The following CRB1 variants were observed in gnomAD, a reference collection of about 807,000 sequenced individuals.
CRB1 encodes protein crumbs homolog 1.
In CRB1, 83 loss-of-function variants were observed where a neutral mutation model predicts 120.0. The observed-to-expected ratio is 0.69, with a 90% CI of 0.58 to 0.83. The LOEUF (loss-of-function observed/expected upper bound fraction) is 0.83. CRB1 is among the 40% of genes least tolerant of loss of function. The pLI, the probability that CRB1 is intolerant of heterozygous loss-of-function variation, is 0.00. For synonymous variants in CRB1, 625 were observed against 612.5 expected (o/e 1.02, Z -0.30); for missense variants, 1,699 against 1,687.6 (o/e 1.01, Z -0.12).
chr1:197,308,024 A>G (rs2125266022), intron 1 of CRB1, among the ~76,000 whole-genome samples: 1 of 152,314 alleles, frequency 6.6e-6, no homozygotes, highest in Non-Finnish European at 1.5e-5. Flanking sequence ...AATAGTAAAT[A>G]CATGGAATCA....
the CRB1 span, among the ~76,000 whole-genome samples, chr1:197,221,097 G>A: frequency 6.6e-6 from 1 of 152,140 alleles, no homozygotes; most frequent in African/African-American, 2.4e-5. Flanking sequence ...TTTGCCTGGG[G>A]TGCATAAGGT....
chr1:197,252,576 ATATATATGTGTGTGTG>A, the CRB1 span, among the ~76,000 whole-genome samples: 36 of 35,048 alleles, frequency 1.0e-3, no homozygotes, highest in African/African-American at 1.3e-3. Context: ...ATATATATAT[ATATATATGTGTGTGTG>A]TGTGTGTGTG....
the CRB1 span, among the ~76,000 whole-genome samples, chr1:197,213,882 A>G: frequency 6.6e-6 from 1 of 152,184 alleles, no homozygotes; most frequent in South Asian, 2.1e-4. Flanking sequence ...ATACAGCAAA[A>G]GCAGTTCTAA....
intron 11 of CRB1, among the ~76,000 whole-genome samples, chr1:197,472,482 A>G (rs1453259835): frequency 6.6e-6 from 1 of 152,168 alleles, no homozygotes; most frequent in Non-Finnish European, 1.5e-5. Context: ...ACCTCTGTTC[A>G]CTTGGGAATG....
At chr1:197,428,667 T>C (rs890305422) in intron 7 of CRB1, among the ~76,000 whole-genome samples, 7 of 152,236 alleles carry the variant, frequency 4.6e-5, no homozygotes, top group Non-Finnish European at 8.8e-5. Flanking sequence ...AAATGAATTA[T>C]TGTAACATAG....
Position 197,421,284 on chromosome 1 carries a change from C to A in CRB1, c.1456C>A (p.Leu486Ile). ...TGSLCEIATT[L>I]SFEGDGFLWV... ...GTCCCTGTGTGAAATCGCAACCACACTTTCATTTGAGGGCGATGGCTTCCT... is the reference window on the plus strand; with the variant it reads ...GTCCCTGTGTGAAATCGCAACCACAATTTCATTTGAGGGCGATGGCTTCCT... The change falls in exon 6 of 12, where the codon CTT (leucine) becomes ATT (isoleucine). Residue 486 changes from leucine to isoleucine, a missense_variant. Coordinates refer to ENST00000367400, the MANE Select transcript of CRB1 (RefSeq NM_201253.3). 3.1e-6 allele frequency: 5 copies of A among 1,614,242 alleles called. No homozygotes were observed. The highest frequency in any genetic ancestry group is 4.2e-6 in the Non-Finnish European group (5 of 1,180,050).
chr1:197,321,316 T>C (rs936908232), intron 1 of CRB1, among the ~76,000 whole-genome samples: 13 of 152,250 alleles, frequency 8.5e-5, no homozygotes, highest in African/African-American at 2.7e-4. Flanking sequence ...GTTGTTGTGC[T>C]CATTGCCATG....
the CRB1 span, among the ~76,000 whole-genome samples, chr1:197,247,210 T>A: frequency 6.6e-6 from 1 of 152,096 alleles, no homozygotes; most frequent in African/African-American, 2.4e-5. Context: ...TAGCAAAGTC[T>A]GCTACAAATA....
At chr1:197,338,601 T>C (rs1363226934) in intron 2 of CRB1, among the ~76,000 whole-genome samples, 1 of 152,000 alleles carries the variant, frequency 6.6e-6, no homozygotes, top group Non-Finnish European at 1.5e-5. Context: ...GATGGTAAAA[T>C]GGTACCAAAG....
chr1:197,364,010 G>C (rs1660928093), intron 5 of CRB1: 1 of 1,385,788 alleles, frequency 7.2e-7, no homozygotes, highest in Non-Finnish European at 1.0e-6. Flanking sequence ...CGGATCTACA[G>C]TATGGAAATG....
intron 2 of CRB1, 106 bp from the exon 3 acceptor site, chr1:197,344,175 A>G: frequency 9.0e-7 from 1 of 1,116,666 alleles, no homozygotes; most frequent in Non-Finnish European, 1.4e-6. Context: ...TTTGGGTAAC[A>G]GAACATTTGA....
rs113011611 is a variant in CRB1, at chr1:197,402,220, C to T, written c.1172-18780C>T. Among the ~76,000 whole-genome samples, 1,024 of 152,180 alleles carry T rather than the reference C, an allele frequency of 6.7e-3. 14 individuals are homozygous for T. The highest frequency in any genetic ancestry group is 0.023 in the African/African-American group (965 of 41,516). The stretch of plus-strand genomic sequence containing the variant: ...CTCTCCCTCAACTTACCCTCCATCC[C>T]CAAGGAGTCCTCAGTGTCTGTTGTT... On this transcript the variant is annotated intron_variant, in intron 5 of 11. Transcript: ENST00000367400.
chr1:197,238,934 G>A, the CRB1 span, among the ~76,000 whole-genome samples: 1 of 151,664 alleles, frequency 6.6e-6, no homozygotes, highest in South Asian at 2.1e-4. Flanking sequence ...GAAATATATC[G>A]ACCTGTGAAA....
chr1:197,475,996 G>A lies in CRB1; in HGVS notation c.4006-1668G>A, dbSNP rs144732410. ...CTGATCTCAGCTTACATCAACCTCC[G>A]CATCTCGGGTTCAAGCGATTCTTCT... On this transcript the variant is annotated intron_variant, in intron 11 of 11. Coordinates refer to ENST00000367400, the MANE Select transcript of CRB1 (RefSeq NM_201253.3). Among the ~76,000 whole-genome samples the A allele has an allele frequency of 3.9e-4, 60 of 151,990 alleles. 1 individual carries two copies. The highest frequency in any genetic ancestry group is 1.4e-3 in the African/African-American group (56 of 41,448).
chr1:197,208,826 G>A, the CRB1 span, among the ~76,000 whole-genome samples: 1 of 152,148 alleles, frequency 6.6e-6, no homozygotes, highest in East Asian at 1.9e-4. Flanking sequence ...GGCTACCAGG[G>A]CAGGTAGAGA....
chr1:197,239,864 A>T, the CRB1 span, among the ~76,000 whole-genome samples: 1 of 148,824 alleles, frequency 6.7e-6, no homozygotes, highest in Non-Finnish European at 1.5e-5. Flanking sequence ...TAGATAACTT[A>T]TTGTATATTA....
chr1:197,370,016 C>A (rs933215084), intron 5 of CRB1, among the ~76,000 whole-genome samples: 1 of 152,026 alleles, frequency 6.6e-6, no homozygotes, highest in Non-Finnish European at 1.5e-5. Flanking sequence ...AGTCTTCCAT[C>A]CTCATTCAGA....
At chr1:197,359,528 A>G (rs1660665951) in intron 5 of CRB1, among the ~76,000 whole-genome samples, 1 of 152,212 alleles carries the variant, frequency 6.6e-6, no homozygotes. Context: ...ATTAATTCAT[A>G]ACAGCCGCTG....
chr1:197,355,549 G>A (rs888677737), intron 4 of CRB1, among the ~76,000 whole-genome samples: 2 of 152,202 alleles, frequency 1.3e-5, no homozygotes, highest in African/African-American at 4.8e-5. Context: ...CTGAGGGGAG[G>A]CAGCTGAGGC....
Sources: gnomAD v4.1 joint callset for allele counts (sites outside exome capture counted in the v4.1 genomes callset) on GRCh38, gnomAD v4.1.1 for gene constraint, MANE v1.5 for transcripts, NCBI Gene and HGNC (gene_info 2026-07-23, HGNC 2026-07-21) for gene names.